The following ZC3H12B variants were observed in gnomAD, a reference collection of about 807,000 sequenced individuals.
The protein encoded by ZC3H12B is zinc finger CCCH-type containing 12B, also known as probable ribonuclease ZC3H12B.
A neutral mutation model predicts 43.9 loss-of-function variants in ZC3H12B; 7 were observed. That is an observed-to-expected ratio of 0.16 (90% CI 0.09 to 0.30). The LOEUF is 0.30. Ranked by LOEUF, ZC3H12B falls within the 10% of genes least tolerant of loss-of-function variation. The probability of loss-of-function intolerance (pLI) is 1.00; values close to 1 mark genes in which losing one functional copy is unlikely to be tolerated. For synonymous variants in ZC3H12B, 222 were observed against 241.7 expected (o/e 0.92, Z 0.76); for missense variants, 475 against 670.2 (o/e 0.71, Z 3.22).
At chrX:65,176,748 A>G in the ZC3H12B span, among the ~76,000 whole-genome samples, 1 of 111,825 alleles carries the variant, frequency 8.9e-6, no homozygotes, top group Admixed American at 9.5e-5. Flanking sequence ...AAATCCCTGA[A>G]CAGACCAATA....
At chrX:65,375,805 C>T (rs1474240338) in intron 2 of ZC3H12B, among the ~76,000 whole-genome samples, 2 of 111,883 alleles carry the variant, frequency 1.8e-5, no homozygotes, top group African/African-American at 6.5e-5. Context: ...CCAGGTAGTA[C>T]ACCATAGGCC....
At chrX:65,253,135 C>T in the ZC3H12B span, among the ~76,000 whole-genome samples, 1 of 111,857 alleles carries the variant, frequency 8.9e-6, no homozygotes, top group Non-Finnish European at 1.9e-5. Flanking sequence ...CATCTGCCAC[C>T]GAGGGACCAG....
At chrX:65,090,929 C>T in the ZC3H12B span, among the ~76,000 whole-genome samples, 25,172 of 110,137 alleles carry the variant, frequency 0.23, 6,989 homozygotes, top group African/African-American at 0.79. Context: ...GTATGGCATC[C>T]CCCTGCGTCT....
the ZC3H12B span, among the ~76,000 whole-genome samples, chrX:65,146,059 T>G: frequency 9.0e-6 from 1 of 111,689 alleles, no homozygotes; most frequent in Non-Finnish European, 1.9e-5. Context: ...TTTCCTCGAT[T>G]ATTCCCCCAA....
At chrX:65,413,575 A>G (rs1233688127) in intron 3 of ZC3H12B, among the ~76,000 whole-genome samples, 1 of 112,238 alleles carries the variant, frequency 8.9e-6, no homozygotes, top group Non-Finnish European at 1.9e-5. Flanking sequence ...CCTGTGTCAA[A>G]CATCAATTGA....
At chrX:65,255,442 G>T in the ZC3H12B span, among the ~76,000 whole-genome samples, 3 of 111,938 alleles carry the variant, frequency 2.7e-5, no homozygotes, top group Non-Finnish European at 5.6e-5. Flanking sequence ...GCCAGACTAA[G>T]CTTCATAAAT....
At chrX:65,204,848 G>A in the ZC3H12B span, among the ~76,000 whole-genome samples, 1 of 111,865 alleles carries the variant, frequency 8.9e-6, no homozygotes, top group Admixed American at 9.5e-5. Flanking sequence ...TTGAATTTGA[G>A]AAACTGTCAG....
the ZC3H12B span, chrX:65,357,016 G>T: frequency 1.8e-6 from 1 of 552,642 alleles, no homozygotes; most frequent in Non-Finnish European, 3.2e-6. Context: ...GTTGTTACCT[G>T]GACCTAAAAT....
chrX:65,493,761 C>T (rs1035429458), intron 1 of ZC3H12B, among the ~76,000 whole-genome samples: 2 of 111,667 alleles, frequency 1.8e-5, no homozygotes, highest in African/African-American at 6.5e-5. Flanking sequence ...CAAGATACTC[C>T]GTGACTTGCA....
At chrX:65,147,306 G>T in the ZC3H12B span, among the ~76,000 whole-genome samples, 3 of 111,615 alleles carry the variant, frequency 2.7e-5, no homozygotes, top group Non-Finnish European at 5.6e-5. Flanking sequence ...AGGCTGATCT[G>T]GTACCTTGGT....
At chrX:65,095,908 A>T in the ZC3H12B span, among the ~76,000 whole-genome samples, 2 of 110,899 alleles carry the variant, frequency 1.8e-5, no homozygotes, top group South Asian at 7.7e-4. Context: ...CTTCCCCTAC[A>T]ACTTACAACC....
the ZC3H12B span, among the ~76,000 whole-genome samples, chrX:65,087,407 C>T: frequency 8.9e-6 from 1 of 112,340 alleles, no homozygotes; most frequent in Admixed American, 9.4e-5. Flanking sequence ...AAGCCAGAGA[C>T]TGGCACGGGA....
chrX:65,054,502 G>C, the ZC3H12B span, among the ~76,000 whole-genome samples: 1 of 111,875 alleles, frequency 8.9e-6, no homozygotes, highest in East Asian at 2.8e-4. Flanking sequence ...TTGTAGTGTA[G>C]TTTGAAGTCA....
chrX:65,244,679 A>C, the ZC3H12B span, among the ~76,000 whole-genome samples: 1 of 90,538 alleles, frequency 1.1e-5, no homozygotes, highest in Non-Finnish European at 2.1e-5. Context: ...GCAGTGGACC[A>C]TGACTGCACT....
the ZC3H12B span, among the ~76,000 whole-genome samples, chrX:65,298,368 A>G: frequency 8.9e-6 from 1 of 112,238 alleles, no homozygotes; most frequent in Non-Finnish European, 1.9e-5. Context: ...AATACTAATT[A>G]TTAAAATTTG....
the ZC3H12B span, among the ~76,000 whole-genome samples, chrX:65,153,708 G>A: frequency 8.9e-6 from 1 of 111,994 alleles, no homozygotes; most frequent in Non-Finnish European, 1.9e-5. Flanking sequence ...AATACCATTT[G>A]ACCCATCCAT....
chrX:65,227,785 G>T, the ZC3H12B span, among the ~76,000 whole-genome samples: 1 of 111,407 alleles, frequency 9.0e-6, no homozygotes, highest in Non-Finnish European at 1.9e-5. Context: ...AAATCTAGAA[G>T]AAATGGATAA....
At chrX:65,249,940 T>G in the ZC3H12B span, among the ~76,000 whole-genome samples, 4 of 109,994 alleles carry the variant, frequency 3.6e-5, no homozygotes, top group Admixed American at 3.9e-4. Flanking sequence ...CTTTGCTGAA[T>G]TCTTTTTTTT....
At chrX:65,332,635 G>A in the ZC3H12B span, among the ~76,000 whole-genome samples, 1 of 111,269 alleles carries the variant, frequency 9.0e-6, no homozygotes, top group South Asian at 3.8e-4. Flanking sequence ...TTTCTTCTGG[G>A]ATGCAGCCAG....
Sources: gnomAD v4.1 joint callset for allele counts (sites outside exome capture counted in the v4.1 genomes callset) on GRCh38, gnomAD v4.1.1 for gene constraint, MANE v1.5 for transcripts, NCBI Gene and HGNC (gene_info 2026-07-23, HGNC 2026-07-21) for gene names.